The following ARID4B variants were observed in gnomAD, a reference collection of about 807,000 sequenced individuals.
ARID4B encodes the protein AT-rich interactive domain-containing protein 4B.
Under a neutral mutation model 147.5 loss-of-function variants are expected in ARID4B, and 26 were observed. That is an observed-to-expected ratio of 0.18 (90% CI 0.13 to 0.24). ARID4B has a LOEUF of 0.24. Ranked by LOEUF, ARID4B falls within the 10% of genes least tolerant of loss-of-function variation. ARID4B has a pLI of 1.00. For synonymous variants in ARID4B, 512 were observed against 507.9 expected, an observed-to-expected ratio of 1.01 and a Z score of -0.11; for missense variants, 1,179 against 1,511.5, an observed-to-expected ratio of 0.78 and a Z score of 3.65.
Position 235,263,354 on chromosome 1 carries a change from T to C in ARID4B, c.7-2602A>G, listed in dbSNP as rs184877009. ...TTAACAAAAATAGGGTATAGAATAC[T>C]AACATCTTTAGACTATTAGTATTCA... is the stretch of plus-strand genomic sequence containing the variant. On this transcript the variant is annotated intron_variant, in intron 2 of 23. Transcript: ENST00000264183. Among the ~76,000 whole-genome samples the C allele has an allele frequency of 2.0e-5, 3 of 152,334 alleles. No individual in the cohort carries two copies. In the East Asian group the frequency reaches 5.8e-4, roughly 29 times the overall value.
At chr1:235,241,345 CAA>C (rs1456142306) in intron 7 of ARID4B, among the ~76,000 whole-genome samples, 1 of 151,352 alleles carries the variant, frequency 6.6e-6, no homozygotes, top group African/African-American at 2.4e-5. Flanking sequence ...TTTCACTGCC[CAA>C]AAAAGGAAAA....
chr1:235,232,382 T>C (rs958019154), intron 9 of ARID4B, among the ~76,000 whole-genome samples: 85 of 152,040 alleles, frequency 5.6e-4, no homozygotes, highest in African/African-American at 2.0e-3. Flanking sequence ...ATTGCGCCAT[T>C]GCACTCCAGC....
Position 235,184,057 on chromosome 1 carries a change from G to A in ARID4B, c.2126-1264C>T, listed in dbSNP as rs547527357. 9.9e-5 allele frequency among the ~76,000 whole-genome samples: 15 copies of A among 152,186 alleles called. No homozygotes were observed. In the East Asian group the frequency reaches 2.9e-3, roughly 29 times the overall value. ...GCCTTCCAAAGTGCTGAGATTAAAGGCATGAGCCACCACACCTGGCCAGCT... is the reference window on the plus strand; with the variant it reads ...GCCTTCCAAAGTGCTGAGATTAAAGACATGAGCCACCACACCTGGCCAGCT... On this transcript the variant is annotated intron_variant, in intron 19 of 23. Coordinates refer to ENST00000264183, the MANE Select transcript of ARID4B (RefSeq NM_016374.6).
At chr1:235,323,866 C>T (rs1316297178) in intron 2 of ARID4B, among the ~76,000 whole-genome samples, 1 of 151,100 alleles carries the variant, frequency 6.6e-6, no homozygotes, top group African/African-American at 2.4e-5. Context: ...CTACCACCTC[C>T]TTATAATGTG....
chr1:235,167,531 T>C lies in ARID4B; in HGVS notation c.*994A>G, dbSNP rs531770259. 4.5e-6 allele frequency: 1 copy of C among 222,254 alleles called. No individual in the cohort carries two copies. The highest frequency in any genetic ancestry group is 5.7e-5 in the Admixed American group (1 of 17,444). The allele number at this position is 222,254 out of a possible 1,614,324, so 13.8% of individuals were successfully genotyped here. On this transcript the variant is annotated 3_prime_UTR_variant, in exon 24 of 24. Transcript: ENST00000264183. ...ACCACCCCCATTAGCTATTTATATT[T>C]AAAATAACCACCATCCTTTTGAGAC... is the stretch of plus-strand genomic sequence containing the variant.
At chr1:235,217,461 C>A (rs182901928) in intron 16 of ARID4B, among the ~76,000 whole-genome samples, 68 of 152,042 alleles carry the variant, frequency 4.5e-4, no homozygotes, top group Non-Finnish European at 7.4e-4. Context: ...CATACATACA[C>A]ACACATATGC....
chr1:235,190,057 G>A (rs1213401531), intron 19 of ARID4B: 2 of 154,382 alleles, frequency 1.3e-5, no homozygotes, highest in African/African-American at 4.8e-5. Context: ...GCTAAAGAAA[G>A]AGAACAGCCA....
chr1:235,210,003 G>C (rs1003472556), intron 17 of ARID4B, among the ~76,000 whole-genome samples: 50 of 152,208 alleles, frequency 3.3e-4, no homozygotes, highest in African/African-American at 1.2e-3. Context: ...CAAGGCAGGA[G>C]GACTGCTTGA....
chr1:235,295,553 T>G (rs1402408049), intron 2 of ARID4B, among the ~76,000 whole-genome samples: 1 of 151,030 alleles, frequency 6.6e-6, no homozygotes, highest in Non-Finnish European at 1.5e-5. Context: ...GGCTCACGCC[T>G]GTAATCCCAG....
intron 5 of ARID4B, among the ~76,000 whole-genome samples, chr1:235,255,321 T>G (rs1361931889): frequency 6.9e-6 from 1 of 144,386 alleles, no homozygotes; most frequent in Admixed American, 7.1e-5. Flanking sequence ...AAGACATTTC[T>G]ATTATAAAAC....
chr1:235,245,547 T>C (rs1289603894), intron 7 of ARID4B, among the ~76,000 whole-genome samples: 13 of 152,026 alleles, frequency 8.6e-5, no homozygotes, highest in African/African-American at 2.9e-4. Flanking sequence ...CTATAATATA[T>C]ATAAAAACGT....
chr1:235,269,078 C>A lies in ARID4B; in HGVS notation c.7-8326G>T, dbSNP rs544914472. Among the ~76,000 whole-genome samples the A allele has an allele frequency of 1.6e-4, 24 of 152,160 alleles. No individual in the cohort carries two copies. The South Asian group carries it at 5.0e-3, about 32-fold the overall frequency. On this transcript the variant is annotated intron_variant, in intron 2 of 23. Coordinates refer to ENST00000264183, the MANE Select transcript of ARID4B (RefSeq NM_016374.6). ...CTGATCAACTTAAGATCTGTGTATT[C>A]CACAGTAAATTAATTATATCTCACT...
At chr1:235,175,719 A>C (rs1663821423) in intron 21 of ARID4B, 1 of 224,836 alleles carries the variant, frequency 4.4e-6, no homozygotes, top group Non-Finnish European at 8.8e-6. Flanking sequence ...AAAATATATC[A>C]TCTTTTAAAA....
intron 2 of ARID4B, among the ~76,000 whole-genome samples, chr1:235,313,149 T>C (rs1259372963): frequency 6.6e-6 from 1 of 151,986 alleles, no homozygotes; most frequent in Non-Finnish European, 1.5e-5. Flanking sequence ...GTTCAAGAGA[T>C]TCTCCTGCAT....
intron 17 of ARID4B, among the ~76,000 whole-genome samples, chr1:235,213,530 C>T (rs369717219): frequency 1.3e-5 from 2 of 152,132 alleles, no homozygotes; most frequent in African/African-American, 4.8e-5. Context: ...ACATGTAGTA[C>T]ATAAAAATCA....
chr1:235,267,481 C>T (rs1234642092), intron 2 of ARID4B, among the ~76,000 whole-genome samples: 5 of 152,060 alleles, frequency 3.3e-5, no homozygotes, highest in Admixed American at 6.6e-5. Context: ...AAAAACCAAG[C>T]TTAAAATGCA....
At chr1:235,173,529 T>TA (rs1039827631) in intron 22 of ARID4B, among the ~76,000 whole-genome samples, 1 of 151,216 alleles carries the variant, frequency 6.6e-6, no homozygotes, top group African/African-American at 2.4e-5. Context: ...TAAAAAGCTC[T>TA]AAAGCAATCT....
chr1:235,174,441 C>T (rs1663702356), intron 22 of ARID4B, among the ~76,000 whole-genome samples: 1 of 152,158 alleles, frequency 6.6e-6, no homozygotes, highest in African/African-American at 2.4e-5. Flanking sequence ...AAGGTCTATA[C>T]ATTGTACATT....
intron 2 of ARID4B, among the ~76,000 whole-genome samples, chr1:235,297,679 G>A (rs1430387567): frequency 1.3e-5 from 2 of 151,944 alleles, no homozygotes; most frequent in African/African-American, 4.8e-5. Flanking sequence ...GTAACTAATA[G>A]AAAGAATACA....
Sources: gnomAD v4.1 joint callset for allele counts (sites outside exome capture counted in the v4.1 genomes callset) on GRCh38, gnomAD v4.1.1 for gene constraint, MANE v1.5 for transcripts, NCBI Gene and HGNC (gene_info 2026-07-23, HGNC 2026-07-21) for gene names.